Variants in CUX1 observed in about 807,000 individuals in gnomAD.
The protein encoded by CUX1 is protein CASP.
A neutral mutation model predicts 158.8 loss-of-function variants in CUX1; 31 were observed. The ratio of observed to expected loss-of-function variants is 0.20; its 90% confidence interval spans 0.15 to 0.26. The LOEUF is 0.26. Among genes scored for constraint, CUX1 ranks in the 10% least tolerant of loss-of-function variants. CUX1 has a pLI of 1.00. For missense variants in CUX1, 1,589 were observed against 2,014.6 expected (o/e 0.79, Z 4.04); for synonymous variants, 879 against 862.1 (o/e 1.02, Z -0.34).
chr7:101,849,783 T>C (rs189240934), intron 1 of CUX1, among the ~76,000 whole-genome samples: 3 of 152,208 alleles, frequency 2.0e-5, no homozygotes, highest in Admixed American at 2.0e-4. Flanking sequence ...CTGAACTAAT[T>C]TACACTCCCA....
intron 2 of CUX1, among the ~76,000 whole-genome samples, chr7:101,964,094 G>A (rs185277228): frequency 5.3e-5 from 8 of 152,276 alleles, no homozygotes; most frequent in Non-Finnish European, 1.2e-4. Flanking sequence ...GCTTATGCCT[G>A]TAATCCCAGT....
chr7:102,256,635 T>A lies in CUX1; in HGVS notation c.*7593T>A. On this transcript the variant is annotated 3_prime_UTR_variant, in exon 24 of 24. Coordinates refer to ENST00000292535, the MANE Select transcript of CUX1 (RefSeq NM_181552.4). ...ATGAACAAAAAAATTTACCAACGTG[T>A]GAGGGAGTTGCTGAGTTGAAGAATG... The A allele has an allele frequency of 1.0e-6, 1 of 985,372 alleles. No individual in the cohort carries two copies. Among genetic ancestry groups the A allele is most frequent in the Non-Finnish European group, 1.2e-6 (1 of 829,924 alleles). 61.0% of individuals were successfully genotyped at this position (985,372 alleles called of 1,614,324 possible). A position where few individuals can be genotyped will look rare whatever the true frequency, so the allele number is the denominator to read the frequency against.
At chr7:102,029,670 C>T (rs1448274648) in intron 3 of CUX1, among the ~76,000 whole-genome samples, 4 of 152,182 alleles carry the variant, frequency 2.6e-5, no homozygotes, top group African/African-American at 9.7e-5. Context: ...CCCCTCTCTT[C>T]TTATGATCTT....
At position 102,178,449 on chromosome 7, in the gene CUX1, A is replaced by T. The variant is rs1484767713; in HGVS notation, c.829-20A>T. 6.4e-7 allele frequency: 1 copy of T among 1,574,612 alleles called. No homozygotes were observed. The highest frequency in any genetic ancestry group is 8.7e-7 in the Non-Finnish European group (1 of 1,153,956). On this transcript the variant is annotated intron_variant, in intron 10 of 23. Transcript: ENST00000292535. The stretch of plus-strand genomic sequence containing the variant: ...GCCTCAAGGCCAGCGCAGTTTTGTC[A>T]TCTCTTTTCTCCTCCCCAGGAGCAG...
At chr7:102,149,917 T>A (rs1189833631) in intron 8 of CUX1, among the ~76,000 whole-genome samples, 2 of 152,122 alleles carry the variant, frequency 1.3e-5, no homozygotes, top group Non-Finnish European at 2.9e-5. Flanking sequence ...CTACCCCCTG[T>A]GCTAAGGAAG....
chr7:102,022,553 G>A (rs1416422363), intron 2 of CUX1, among the ~76,000 whole-genome samples: 1 of 151,422 alleles, frequency 6.6e-6, no homozygotes, highest in Non-Finnish European at 1.5e-5. Context: ...GGGAGGTCAC[G>A]ACTGCAGTGA....
At chr7:101,822,079 C>T (rs886090601) in intron 1 of CUX1, among the ~76,000 whole-genome samples, 2 of 152,060 alleles carry the variant, frequency 1.3e-5, no homozygotes, top group African/African-American at 2.4e-5. Flanking sequence ...TGGTCTCGAT[C>T]TCCTGACCTC....
intron 2 of CUX1, among the ~76,000 whole-genome samples, chr7:101,972,486 C>T (rs1164248763): frequency 2.0e-5 from 3 of 152,184 alleles, no homozygotes; most frequent in African/African-American, 7.2e-5. Flanking sequence ...GAGAGAGAAG[C>T]GTGTCATGGA....
intron 1 of CUX1, among the ~76,000 whole-genome samples, chr7:101,828,928 A>G (rs1478904276): frequency 1.4e-5 from 1 of 73,500 alleles, no homozygotes; most frequent in Non-Finnish European, 2.7e-5. Context: ...GGCAGGGGGA[A>G]GGGGTGTGCC....
At chr7:102,137,362 G>A (rs1261346238) in intron 8 of CUX1, among the ~76,000 whole-genome samples, 5 of 152,126 alleles carry the variant, frequency 3.3e-5, no homozygotes, top group South Asian at 2.1e-4. Context: ...CAGGTTGGGC[G>A]CGGTGGCTCA....
chr7:101,864,104 A>G (rs1426298501), intron 1 of CUX1, among the ~76,000 whole-genome samples: 2 of 151,430 alleles, frequency 1.3e-5, no homozygotes, highest in Admixed American at 6.6e-5. Flanking sequence ...ATTCCCACCA[A>G]TGGTGCACAA....
chr7:102,270,871 G>A (rs546050830), intron 14 of CUX1, among the ~76,000 whole-genome samples: 45 of 152,232 alleles, frequency 3.0e-4, no homozygotes, highest in African/African-American at 1.1e-3. Context: ...CTACATACAC[G>A]GCAGGACTGT....
chr7:101,892,038 C>T (rs930964566), intron 1 of CUX1, among the ~76,000 whole-genome samples: 2 of 152,168 alleles, frequency 1.3e-5, no homozygotes, highest in Admixed American at 1.3e-4. Flanking sequence ...CATCTTGTCC[C>T]CAGAAATCCA....
At position 101,968,678 on chromosome 7, in the gene CUX1, C is replaced by A. The variant is rs550776136; in HGVS notation, c.141+52453C>A. Among the ~76,000 whole-genome samples, 77 of 152,276 alleles carry A rather than the reference C, an allele frequency of 5.1e-4. 1 individual carries two copies. The South Asian group carries it at 0.016, about 31-fold the overall frequency. ...CCTCAAGTGATCCACCTATTTTGGC[C>A]TCCCAAAGTGCTGGGATTATAGGCA... On this transcript the variant is annotated intron_variant, in intron 2 of 23. Coordinates refer to ENST00000292535, the MANE Select transcript of CUX1 (RefSeq NM_181552.4).
intron 1 of CUX1, among the ~76,000 whole-genome samples, chr7:101,863,808 T>C (rs1298355528): frequency 2.0e-5 from 3 of 152,254 alleles, no homozygotes; most frequent in Admixed American, 6.5e-5. Context: ...CAGTATTGTC[T>C]TTCTGTGACT....
chr7:102,152,329 C>T (rs1231457394), intron 8 of CUX1, among the ~76,000 whole-genome samples: 1 of 152,190 alleles, frequency 6.6e-6, no homozygotes, highest in Non-Finnish European at 1.5e-5. Flanking sequence ...GCACTCCATC[C>T]TGGGCAACAG....
intron 11 of CUX1, among the ~76,000 whole-genome samples, chr7:102,180,410 G>A (rs1456013430): frequency 2.0e-5 from 3 of 148,716 alleles, no homozygotes; most frequent in South Asian, 2.1e-4. Context: ...TCGAAGTCTC[G>A]GGCTCAAGCG....
intron 10 of CUX1, among the ~76,000 whole-genome samples, chr7:102,176,467 C>T (rs1792349001): frequency 6.6e-6 from 1 of 151,700 alleles, no homozygotes; most frequent in Non-Finnish European, 1.5e-5. Flanking sequence ...CCATGCAGCT[C>T]TGCCCTCTCC....
At chr7:102,095,581 G>A (rs1829093438) in intron 4 of CUX1, among the ~76,000 whole-genome samples, 5 of 152,110 alleles carry the variant, frequency 3.3e-5, no homozygotes, top group East Asian at 1.9e-4. Context: ...CCTGGCTCCT[G>A]CTGGATACGT....
Sources: allele counts gnomAD v4.1 joint callset (sites outside exome capture counted in the v4.1 genomes callset), GRCh38; gene constraint gnomAD v4.1.1; transcripts MANE v1.5; gene names NCBI Gene and HGNC (gene_info 2026-07-23, HGNC 2026-07-21).